PTPRM: variants seen among roughly 807,000 people sequenced by gnomAD.
PTPRM encodes protein tyrosine phosphatase receptor type M, also known as receptor-type tyrosine-protein phosphatase mu.
PTPRM carries 47 observed loss-of-function variants against 186.7 expected under a neutral mutation model. The observed-to-expected ratio is 0.25, with a 90% CI of 0.20 to 0.32. The LOEUF is 0.32. PTPRM is among the 10% of genes least tolerant of loss of function. The pLI is 1.00. For synonymous variants in PTPRM, 668 were observed against 674.9 expected (o/e 0.99, Z 0.16); for missense variants, 1,494 against 1,865.0 (o/e 0.80, Z 3.66).
chr18:8,053,977 C>T (rs8095659), intron 7 of PTPRM, among the ~76,000 whole-genome samples: 2 of 152,084 alleles, frequency 1.3e-5, no homozygotes, highest in South Asian at 4.2e-4. Flanking sequence ...AATTAATCCC[C>T]TATTTGGTCA....
chr18:7,862,902 A>G (rs1047176561), intron 2 of PTPRM, among the ~76,000 whole-genome samples: 1 of 152,242 alleles, frequency 6.6e-6, no homozygotes, highest in African/African-American at 2.4e-5. Context: ...TTAGGTTATC[A>G]GAAGTCACAG....
intron 23 of PTPRM, among the ~76,000 whole-genome samples, chr18:8,356,407 G>T (rs916277144): frequency 6.6e-6 from 1 of 152,324 alleles, no homozygotes. Context: ...GACCCTGAGT[G>T]CAGGTCCTCC....
chr18:8,370,213 T>C (rs2095655835), intron 23 of PTPRM, among the ~76,000 whole-genome samples: 1 of 151,962 alleles, frequency 6.6e-6, no homozygotes, highest in Non-Finnish European at 1.5e-5. Context: ...AAAATACAAT[T>C]TGCTAGGAGA....
intron 2 of PTPRM, among the ~76,000 whole-genome samples, chr18:7,869,997 A>G (rs1199054905): frequency 1.3e-5 from 2 of 152,296 alleles, no homozygotes; most frequent in African/African-American, 2.4e-5. Context: ...TGGTTCTGAA[A>G]TGAAAAGTAA....
At chr18:7,789,344 T>TGA (rs368154164) in intron 2 of PTPRM, among the ~76,000 whole-genome samples, 49 of 151,976 alleles carry the variant, frequency 3.2e-4, no homozygotes, top group African/African-American at 1.2e-3. Flanking sequence ...ATGATGATGA[T>TGA]TATTATTAAT....
intron 1 of PTPRM, among the ~76,000 whole-genome samples, chr18:7,745,640 A>C (rs2144549178): frequency 6.6e-6 from 1 of 152,360 alleles, no homozygotes; most frequent in South Asian, 2.1e-4. Flanking sequence ...CCCCTAGCAT[A>C]TGTACTTGGC....
chr18:8,354,776 G>A (rs1468641602), intron 23 of PTPRM, among the ~76,000 whole-genome samples: 1 of 152,178 alleles, frequency 6.6e-6, no homozygotes, highest in Non-Finnish European at 1.5e-5. Context: ...GTTCCCATGG[G>A]ATGATAGAAC....
chr18:8,114,294 C>G (rs2091874992), intron 12 of PTPRM, among the ~76,000 whole-genome samples: 1 of 152,030 alleles, frequency 6.6e-6, no homozygotes, highest in South Asian at 2.1e-4. Flanking sequence ...GCTTCCCCTT[C>G]CTGCTCAGAC....
chr18:7,593,233 A>T (rs1005908687), intron 1 of PTPRM, among the ~76,000 whole-genome samples: 5 of 152,158 alleles, frequency 3.3e-5, no homozygotes, highest in African/African-American at 1.2e-4. Flanking sequence ...TAATGGTCTT[A>T]CCGAAATTTC....
chr18:7,801,855 T>C (rs2043987615), intron 2 of PTPRM, among the ~76,000 whole-genome samples: 1 of 152,124 alleles, frequency 6.6e-6, no homozygotes, highest in South Asian at 2.1e-4. Context: ...TGGTGCATGA[T>C]TGTATATTTG....
intron 7 of PTPRM, among the ~76,000 whole-genome samples, chr18:8,053,745 G>T (rs775662028): frequency 2.0e-5 from 3 of 152,104 alleles, no homozygotes; most frequent in South Asian, 2.1e-4. Flanking sequence ...GGGGAGAACT[G>T]ACACCTTTAC....
chr18:7,774,413 G>A (rs1320111676), intron 2 of PTPRM, 142 bp downstream of exon 2: 2 of 986,514 alleles, frequency 2.0e-6, no homozygotes, highest in East Asian at 5.0e-5. Flanking sequence ...TAGTGAGAGT[G>A]GTGCAATTAA....
chr18:8,207,316 CAA>C (rs1339277634), intron 14 of PTPRM, among the ~76,000 whole-genome samples: 1 of 152,168 alleles, frequency 6.6e-6, no homozygotes, highest in Non-Finnish European at 1.5e-5. Context: ...CACCACTACT[CAA>C]ACATGAGTCT....
intron 7 of PTPRM, among the ~76,000 whole-genome samples, chr18:8,046,913 C>A (rs753085022): frequency 1.3e-5 from 2 of 152,146 alleles, no homozygotes; most frequent in African/African-American, 2.4e-5. Flanking sequence ...GTGTTCCCCG[C>A]AACATCTGCC....
chr18:8,316,249 T>A (rs944360420), intron 21 of PTPRM, among the ~76,000 whole-genome samples: 1 of 152,192 alleles, frequency 6.6e-6, no homozygotes, highest in Non-Finnish European at 1.5e-5. Flanking sequence ...ACAGGGACAG[T>A]GTCCTAGGCA....
intron 3 of PTPRM, among the ~76,000 whole-genome samples, chr18:7,897,065 T>G (rs2049399244): frequency 6.6e-6 from 1 of 152,188 alleles, no homozygotes; most frequent in Non-Finnish European, 1.5e-5. Context: ...TTTTCTAGAT[T>G]GTGTTCCACA....
At chr18:7,783,768 G>GTGTGTA (rs1194676995) in intron 2 of PTPRM, among the ~76,000 whole-genome samples, 1 of 151,294 alleles carries the variant, frequency 6.6e-6, no homozygotes, top group Admixed American at 6.6e-5. Context: ...GTGTGTGTGT[G>GTGTGTA]TGTGTATGTG....
Position 8,082,314 on chromosome 18 carries a change from A to G in PTPRM, c.1552-3357A>G, listed in dbSNP as rs117121614. 4.1e-3 allele frequency among the ~76,000 whole-genome samples: 619 copies of G among 152,314 alleles called. 5 individuals carry two copies. The highest frequency in any genetic ancestry group is 6.9e-3 in the Non-Finnish European group (466 of 68,026). On this transcript the variant is annotated intron_variant, in intron 9 of 32. Coordinates refer to ENST00000580170, the MANE Select transcript of PTPRM (RefSeq NM_001105244.2). The stretch of plus-strand genomic sequence containing the variant: ...CACAGTACTCCAAGATTCATTGCCC[A>G]GTGAATTGTATGAATAGTCACAACA...
intron 13 of PTPRM, among the ~76,000 whole-genome samples, chr18:8,126,027 A>ATATATATATATATTTTTTT (rs57751538): frequency 1.0e-4 from 7 of 69,536 alleles, no homozygotes; most frequent in South Asian, 5.5e-4. Flanking sequence ...ATATATATAT[A>ATATATATATATATTTTTTT]TTTTAAATCA....
Sources: gnomAD v4.1 joint callset for allele counts (sites outside exome capture counted in the v4.1 genomes callset) on GRCh38, gnomAD v4.1.1 for gene constraint, MANE v1.5 for transcripts, NCBI Gene and HGNC (gene_info 2026-07-23, HGNC 2026-07-21) for gene names.